Variants in ABCC12 observed in about 807,000 individuals in gnomAD.
The protein encoded by ABCC12 is ATP binding cassette subfamily C member 12.
In ABCC12, 142 loss-of-function variants were observed where a neutral mutation model predicts 151.1. The observed-to-expected ratio is 0.94, with a 90% CI of 0.82 to 1.08. The LOEUF (loss-of-function observed/expected upper bound fraction) is 1.08, where lower values mean the gene tolerates loss of function less well. Among genes scored for constraint, ABCC12 ranks in the 50% least tolerant of loss-of-function variants. The pLI, the probability that ABCC12 is intolerant of heterozygous loss-of-function variation, is 0.00. For synonymous variants in ABCC12, 645 were observed against 646.4 expected (o/e 1.00, Z 0.03); for missense variants, 1,638 against 1,691.1 (o/e 0.97, Z 0.55).
intron 4 of ABCC12, among the ~76,000 whole-genome samples, chr16:48,143,195 G>T (rs1408255879): frequency 2.0e-5 from 3 of 152,132 alleles, no homozygotes; most frequent in Non-Finnish European, 2.9e-5. Flanking sequence ...GGTCAAGTGG[G>T]GTCTGACCAG....
At chr16:48,104,035 TG>T in intron 22 of ABCC12, 106 bp downstream of exon 22, 1 of 1,213,410 alleles carries the variant, frequency 8.2e-7, no homozygotes, top group Non-Finnish European at 1.1e-6. Context: ...AAAAAATCAA[TG>T]GTAGACCATC....
In ABCC12 at chr16:48,088,586, T is replaced by C. The variant is rs551627862; in HGVS notation, c.3434A>G (p.Gln1145Arg). 1 of 1,614,190 alleles carries C rather than the reference T, an allele frequency of 6.2e-7. No homozygotes were observed. The highest frequency in any genetic ancestry group is 2.2e-5 in the East Asian group (1 of 44,886). The change falls in exon 26 of 31, where the codon CAA (glutamine) becomes CGA (arginine). Residue 1145 changes from glutamine to arginine, a missense_variant. Coordinates refer to ENST00000311303, the MANE Select transcript of ABCC12 (RefSeq NM_001393797.1). Reference protein sequence around the residue: ...LVLDSLNLNIQSGQTVGIVGR... With the variant: ...LVLDSLNLNIRSGQTVGIVGR... ...AACAATCCCGACTGTCTGCCCACTT[T>C]GTATGTTCAAGTTCAGGCTGTCGAG...
chr16:48,134,847 T>A (rs1223563978), intron 8 of ABCC12, among the ~76,000 whole-genome samples: 1 of 151,862 alleles, frequency 6.6e-6, no homozygotes, highest in African/African-American at 2.4e-5. Flanking sequence ...GGTCAGGAGA[T>A]CAAGACCATC....
chr16:48,100,485 C>T (rs1281524887), intron 23 of ABCC12, among the ~76,000 whole-genome samples: 1 of 151,574 alleles, frequency 6.6e-6, no homozygotes, highest in East Asian at 1.9e-4. Flanking sequence ...AAAGAAGACG[C>T]CATGAATAGA....
At chr16:48,106,927 T>G (rs1963513040) in intron 20 of ABCC12, among the ~76,000 whole-genome samples, 1 of 152,200 alleles carries the variant, frequency 6.6e-6, no homozygotes, top group Non-Finnish European at 1.5e-5. Context: ...ACGTGGGACC[T>G]TCTGGCACTG....
intron 24 of ABCC12, among the ~76,000 whole-genome samples, chr16:48,096,278 G>T (rs1386280533): frequency 6.6e-6 from 1 of 152,212 alleles, no homozygotes; most frequent in African/African-American, 2.4e-5. Flanking sequence ...AGTTGGAAAT[G>T]GGTGTAACTC....
rs754120012 is a variant in ABCC12 at position 48,144,027 on chromosome 16, G to T, written c.158C>A (p.Ser53Tyr). 6.2e-7 allele frequency: 1 copy of T among 1,614,166 alleles called. No individual in the cohort carries two copies. The highest frequency in any genetic ancestry group is 1.7e-4 in the Middle Eastern group (1 of 6,060). ...CGTGAGCCAGGAAAATGTGGCGAAGGAGAGTAGCCCGGCATCATCCACCGG... is the reference window on the plus strand; with the variant it reads ...CGTGAGCCAGGAAAATGTGGCGAAGTAGAGTAGCCCGGCATCATCCACCGG... ...PNPVDDAGLL[S>Y]FATFSWLTPV... Residue 53 changes from serine to tyrosine, a missense_variant, in exon 4 of 31, where the codon TCC becomes TAC. Physicochemically the swap from Ser to Tyr is moderately radical, Grantham distance 144. Transcript: ENST00000311303.
rs142328241 is a variant in ABCC12, at chr16:48,130,093, A to G, written c.1236+695T>C. ...TTCTGGATTTCTGACTCGGGTGAGT[A>G]AGATCATTCAATCAATTCATAGATG... is the stretch of plus-strand genomic sequence containing the variant. On this transcript the variant is annotated intron_variant, in intron 10 of 30. Coordinates refer to ENST00000311303, the MANE Select transcript of ABCC12 (RefSeq NM_001393797.1). Among the ~76,000 whole-genome samples the G allele has an allele frequency of 2.8e-3, 431 of 152,370 alleles. 1 individual carries two copies. Among genetic ancestry groups the G allele is most frequent in the African/African-American group, 0.01 (423 of 41,588 alleles).
chr16:48,106,771 C>A (rs1295484340), intron 20 of ABCC12, among the ~76,000 whole-genome samples: 2 of 152,192 alleles, frequency 1.3e-5, no homozygotes, highest in Non-Finnish European at 2.9e-5. Context: ...GAACTCCCAG[C>A]AAGCTCAAGA....
In ABCC12 at chr16:48,111,498, G is replaced by A. The variant is rs1420498751; in HGVS notation, c.2219C>T (p.Pro740Leu). Residue 740 changes from proline to leucine, a missense_variant, in exon 18 of 31, where the codon CCA (proline) becomes CTA (leucine). By Grantham distance (98) the Pro-to-Leu change is moderately conservative. Coordinates refer to ENST00000311303, the MANE Select transcript of ABCC12 (RefSeq NM_001393797.1). ...TTTTCCTTCATCTTTCTCATTTCCT[G>A]GAGCCAAAACTAGGGTGAGAAATAA... ...EEDAGIIVLA[P>L]GNEKDEGKES... 1.2e-6 allele frequency: 2 copies of A among 1,613,990 alleles called. No individual in the cohort carries two copies. The highest frequency in any genetic ancestry group is 2.7e-5 in the African/African-American group (2 of 74,884).
At position 48,115,535 on chromosome 16, in the gene ABCC12, G is replaced by T. The variant is rs780650095; in HGVS notation, c.1869C>A (p.Leu623=). 1 of 1,614,194 alleles carries T rather than the reference G, an allele frequency of 6.2e-7. No individual in the cohort carries two copies. The highest frequency in any genetic ancestry group is 8.5e-7 in the Non-Finnish European group (1 of 1,180,040). Reference sequence around the variant, plus strand: ...CCGACAGGGGGTCGTCCAGCAGGTAGAGCTGACGGTCGGAGTAGACAGCGC... The same window carrying T: ...CCGACAGGGGGTCGTCCAGCAGGTATAGCTGACGGTCGGAGTAGACAGCGC... The part of the protein sequence containing the change: ...LARAVYSDRQ[L]YLLDDPLSAV... The change falls in exon 15 of 31, where the codon CTC becomes CTA. Residue 623 remains leucine, a synonymous_variant. Coordinates refer to ENST00000311303, the MANE Select transcript of ABCC12 (RefSeq NM_001393797.1).
intron 20 of ABCC12, among the ~76,000 whole-genome samples, chr16:48,106,159 G>A (rs914785428): frequency 2.0e-5 from 3 of 152,250 alleles, no homozygotes; most frequent in Admixed American, 6.5e-5. Flanking sequence ...TAGCGGAAAT[G>A]TAAATCAGAG....
intron 22 of ABCC12, among the ~76,000 whole-genome samples, chr16:48,103,766 C>T (rs1963385325): frequency 6.6e-6 from 1 of 152,220 alleles, no homozygotes. Flanking sequence ...GGAACCCCCG[C>T]CCCGACACTG....
At position 48,081,266 on chromosome 16, in the gene ABCC12, G is replaced by A. The variant is rs1221019193; in HGVS notation, c.*2449C>T. 6.6e-6 allele frequency among the ~76,000 whole-genome samples: 1 copy of A among 152,214 alleles called. No individual in the cohort carries two copies. The highest frequency in any genetic ancestry group is 1.5e-5 in the Non-Finnish European group (1 of 68,040). ...TGTGCTTTGAGGAATTTGGCTAAAT[G>A]GCTACTATTATTCTACATAGTCTCC... On this transcript the variant is annotated 3_prime_UTR_variant, in exon 31 of 31. Transcript: ENST00000311303.
chr16:48,155,090 G>A (rs972715028), intron 1 of ABCC12, among the ~76,000 whole-genome samples: 3 of 152,224 alleles, frequency 2.0e-5, no homozygotes, highest in Admixed American at 6.5e-5. Flanking sequence ...AGCCCTGTGA[G>A]TGATGAGGGA....
chr16:48,142,394 C>A (rs1019911884), intron 4 of ABCC12, among the ~76,000 whole-genome samples: 1 of 152,120 alleles, frequency 6.6e-6, no homozygotes, highest in South Asian at 2.1e-4. Flanking sequence ...CACTTAGGAG[C>A]ATAACACAGA....
intron 24 of ABCC12, among the ~76,000 whole-genome samples, chr16:48,095,252 T>C (rs116627313): frequency 0.016 from 2,388 of 152,266 alleles, 60 homozygotes; most frequent in African/African-American, 0.054. Flanking sequence ...TATGAGGGGT[T>C]TCCCCTTTCA....
chr16:48,086,573 T>G (rs1053090127), intron 28 of ABCC12, 168 bp downstream of exon 28: 15 of 622,348 alleles, frequency 2.4e-5, no homozygotes, highest in Middle Eastern at 4.3e-4. Flanking sequence ...ATTGTTGCTT[T>G]TAATAGGAAA....
rs771665597 is a variant in ABCC12 at position 48,083,938 on chromosome 16, C to T, written c.3964G>A (p.Asp1322Asn). ...AHRLNTVLNC[D>N]HVLVMENGKV... ...CCATTTTCCATAACCAGGACGTGAT[C>T]GCAGTTGAGAACTGTGTTGAGGCGG... The change falls in exon 30 of 31, where the codon GAT becomes AAT. Residue 1322 changes from aspartate to asparagine, a missense_variant. Coordinates refer to ENST00000311303, the MANE Select transcript of ABCC12 (RefSeq NM_001393797.1). 1.2e-5 allele frequency: 19 copies of T among 1,612,396 alleles called. No homozygotes were observed. Among genetic ancestry groups the T allele is most frequent in the Middle Eastern group, 1.7e-4 (1 of 6,050 alleles).
Sources: allele counts gnomAD v4.1 joint callset (sites outside exome capture counted in the v4.1 genomes callset), GRCh38; gene constraint gnomAD v4.1.1; transcripts MANE v1.5; gene names NCBI Gene and HGNC (gene_info 2026-07-23, HGNC 2026-07-21).